ADGRV1: variants seen among roughly 807,000 people sequenced by gnomAD.
ADGRV1 encodes G-protein coupled receptor 98.
A neutral mutation model predicts 596.2 loss-of-function variants in ADGRV1; 359 were observed. The ratio of observed to expected loss-of-function variants is 0.60; its 90% CI spans 0.55 to 0.66. ADGRV1 has a LOEUF of 0.66. ADGRV1 is among the 30% of genes least tolerant of loss of function. ADGRV1 has a pLI of 0.00. For missense variants in ADGRV1, 7,274 were observed against 7,575.6 expected, an observed-to-expected ratio of 0.96 and a Z score of 1.48; for synonymous variants, 2,681 against 2,679.2, an observed-to-expected ratio of 1.00 and a Z score of -0.02.
At chr5:90,568,483 T>A (rs1755945662) in intron 1 of ADGRV1, among the ~76,000 whole-genome samples, 1 of 152,218 alleles carries the variant, frequency 6.6e-6, no homozygotes. Flanking sequence ...ATATACTTTG[T>A]ATGATTAAAG....
chr5:91,106,902 G>A (rs1791924875), intron 87 of ADGRV1, among the ~76,000 whole-genome samples: 1 of 152,234 alleles, frequency 6.6e-6, no homozygotes, highest in Non-Finnish European at 1.5e-5. Context: ...AACCTGGATA[G>A]GGTTTGCAGT....
Position 90,647,701 on chromosome 5 carries a change from G to T in ADGRV1, c.3226G>T (p.Val1076Phe). 1 of 1,613,558 alleles carries T rather than the reference G, an allele frequency of 6.2e-7. No homozygotes were observed. Among genetic ancestry groups the T allele is most frequent in the Admixed American group, 1.7e-5 (1 of 60,026 alleles). Residue 1076 changes from valine to phenylalanine, a missense_variant, in exon 17 of 90, where the codon GTT (valine) becomes TTT (phenylalanine). By Grantham distance (50) the Val-to-Phe change is conservative (BLOSUM62 -1). Coordinates refer to ENST00000405460, the MANE Select transcript of ADGRV1 (RefSeq NM_032119.4). The part of the protein sequence containing the change: ...GSRQQSISIF[V>F]NEDGIPETDE... ...TAGACAGCAGAGCATATCCATATTT[G>T]TTAATGAAGATGGTATCCCGGAAAC... is the stretch of plus-strand genomic sequence containing the variant.
At chr5:91,080,513 A>G (rs1047494628) in intron 86 of ADGRV1, among the ~76,000 whole-genome samples, 4 of 147,908 alleles carry the variant, frequency 2.7e-5, no homozygotes, top group Admixed American at 7.1e-5. Context: ...ACATGTAAAC[A>G]TTAAATTTTA....
intron 35 of ADGRV1, 123 bp downstream of exon 35, chr5:90,703,918 G>T (rs11959270): frequency 1.5e-6 from 1 of 684,846 alleles, no homozygotes; most frequent in Non-Finnish European, 2.4e-6. Flanking sequence ...GACCTACTTC[G>T]TATGAATTCT....
chr5:90,868,975 A>G (rs1021784949), intron 83 of ADGRV1, among the ~76,000 whole-genome samples: 1 of 152,142 alleles, frequency 6.6e-6, no homozygotes, highest in African/African-American at 2.4e-5. Flanking sequence ...GACCACTTCC[A>G]TCTCATCTAT....
intron 11 of ADGRV1, among the ~76,000 whole-genome samples, chr5:90,642,170 G>A (rs949829932): frequency 1.3e-5 from 2 of 152,046 alleles, no homozygotes; most frequent in African/African-American, 4.8e-5. Flanking sequence ...CAGCTATTAT[G>A]TGCTCTATTC....
At chr5:91,004,535 C>T (rs929338226) in intron 85 of ADGRV1, among the ~76,000 whole-genome samples, 2 of 151,994 alleles carry the variant, frequency 1.3e-5, no homozygotes, top group African/African-American at 4.8e-5. Flanking sequence ...TACTATTAGA[C>T]CAACTTCCTT....
rs111873497 is a variant in ADGRV1, at chr5:90,583,961, G to T, written c.22+25044G>T. On this transcript the variant is annotated intron_variant, in intron 1 of 89. Transcript: ENST00000405460. ...TAAGATTTCTTTGTTAATAGAAAATGTATATTTAGAATTTTGTTAAGAGTA... is the reference window on the plus strand; with the variant it reads ...TAAGATTTCTTTGTTAATAGAAAATTTATATTTAGAATTTTGTTAAGAGTA... 4.2e-3 allele frequency among the ~76,000 whole-genome samples: 646 copies of T among 152,262 alleles called. 5 individuals carry two copies. Among genetic ancestry groups the T allele is most frequent in the Middle Eastern group, 0.02 (6 of 294 alleles).
intron 17 of ADGRV1, among the ~76,000 whole-genome samples, 163 bp downstream of exon 17, chr5:90,647,927 G>A (rs1286767387): frequency 7.0e-6 from 1 of 143,880 alleles, no homozygotes; most frequent in Non-Finnish European, 1.5e-5. Context: ...GGTGAAGAAT[G>A]TATGTGTTGA....
rs182246913 is a variant in ADGRV1 at position 90,924,443 on chromosome 5, C to G, written c.17857-40972C>G. On this transcript the variant is annotated intron_variant, in intron 83 of 89. Transcript: ENST00000405460. ...ATAAATGTCTTCTTTTGAGAAGTGT[C>G]TGTTCATGTCCTTCGCCCACTTTTT... 5.1e-3 allele frequency among the ~76,000 whole-genome samples: 775 copies of G among 151,010 alleles called. 11 individuals are homozygous for G. Among genetic ancestry groups the G allele is most frequent in the African/African-American group, 0.018 (736 of 41,098 alleles).
chr5:90,960,633 AAGT>A (rs1366241336), intron 83 of ADGRV1, among the ~76,000 whole-genome samples: 1 of 152,206 alleles, frequency 6.6e-6, no homozygotes, highest in Non-Finnish European at 1.5e-5. Context: ...AGGTATTAAA[AAGT>A]AGGAAAGTCT....
chr5:90,583,923 A>G (rs1758400986), intron 1 of ADGRV1, among the ~76,000 whole-genome samples: 1 of 152,202 alleles, frequency 6.6e-6, no homozygotes. Context: ...GATCTTTCCC[A>G]TATGACTATT....
intron 86 of ADGRV1, among the ~76,000 whole-genome samples, chr5:91,085,767 A>C (rs943685864): frequency 5.3e-5 from 8 of 152,182 alleles, no homozygotes; most frequent in Non-Finnish European, 8.8e-5. Context: ...CCATCTAGAA[A>C]TATGTATCAC....
chr5:91,109,333 A>C (rs1260130300), intron 87 of ADGRV1, among the ~76,000 whole-genome samples: 1 of 152,168 alleles, frequency 6.6e-6, no homozygotes, highest in African/African-American at 2.4e-5. Context: ...TTCAATCAGA[A>C]TTGTTTCCTA....
chr5:91,014,370 C>T (rs1239674190), intron 85 of ADGRV1, among the ~76,000 whole-genome samples: 1 of 151,994 alleles, frequency 6.6e-6, no homozygotes, highest in Non-Finnish European at 1.5e-5. Context: ...GTTTTGGTAT[C>T]AGGATGATGC....
Position 90,776,555 on chromosome 5 carries a change from A to G in ADGRV1, c.12506A>G (p.Tyr4169Cys), listed in dbSNP as rs577389548. 32 of 1,613,436 alleles carry G rather than the reference A, an allele frequency of 2.0e-5. No individual in the cohort carries two copies. In the South Asian group the frequency reaches 3.1e-4, roughly 16 times the overall value. ...HILIGEPSAK[Y>C]NGTAIISLVR... Reference sequence around the variant, plus strand: ...CTCATTGGGGAACCCTCAGCAAAATATAATGGTACCGCTATTATCAGGTAA... The same window carrying G: ...CTCATTGGGGAACCCTCAGCAAAATGTAATGGTACCGCTATTATCAGGTAA... Residue 4169 changes from tyrosine to cysteine, a missense_variant, in exon 61 of 90, where the codon TAT (tyrosine) becomes TGT (cysteine). Around this residue, in one of 5 missense-constraint regions of ADGRV1, gnomAD observed 3,643 missense variants for 3,809.2 expected, o/e 0.96. Transcript: ENST00000405460.
chr5:90,793,257 A>G (rs1760283102), intron 70 of ADGRV1: 1 of 152,248 alleles, frequency 6.6e-6, no homozygotes, highest in Non-Finnish European at 1.5e-5. Context: ...ATCAAGTCTC[A>G]CTTACAAATT....
chr5:90,963,824 T>C (rs926271328), intron 83 of ADGRV1, among the ~76,000 whole-genome samples: 2 of 150,774 alleles, frequency 1.3e-5, no homozygotes, highest in African/African-American at 4.9e-5. Flanking sequence ...AGGTACTTAA[T>C]GAATAGTTTC....
Position 90,854,194 on chromosome 5 carries a change from G to A in ADGRV1, c.17587G>A (p.Ala5863Thr), listed in dbSNP as rs748438587. The A allele has an allele frequency of 2.6e-6, 4 of 1,543,764 alleles. No homozygotes were observed. The highest frequency in any genetic ancestry group is 3.5e-6 in the Non-Finnish European group (4 of 1,144,388). Reference sequence around the variant, plus strand: ...TCTGTGTCTCCTTTGGAATCAGGCTGCTGCAAGGTACTTATTAATAAAATA... The same window carrying A: ...TCTGTGTCTCCTTTGGAATCAGGCTACTGCAAGGTACTTATTAATAAAATA... ...TSLCLLWNQA[A>T]ASWLSDSQFC... Residue 5863 changes from alanine (A) to threonine (T), a missense_variant, in exon 81 of 90, where the codon GCT becomes ACT. Physicochemically the swap from Ala to Thr is moderately conservative, Grantham distance 58. This residue lies in a region of ADGRV1 where 1,874 missense variants were observed against 1,970.2 expected (regional missense o/e 0.95). Transcript: ENST00000405460.
Sources: allele counts gnomAD v4.1 joint callset (sites outside exome capture counted in the v4.1 genomes callset), GRCh38; gene constraint gnomAD v4.1.1; regional missense constraint gnomAD v4.1.1; transcripts MANE v1.5; gene names NCBI Gene and HGNC (gene_info 2026-07-23, HGNC 2026-07-21).